BTBD9: variants seen among roughly 807,000 people sequenced by gnomAD.
The protein encoded by BTBD9 is BTB domain containing 9.
In BTBD9, 49 loss-of-function variants were observed where a neutral mutation model predicts 64.3. That is an observed-to-expected ratio of 0.76 (90% CI 0.61 to 0.97). The LOEUF (loss-of-function observed/expected upper bound fraction) is 0.97. BTBD9 is among the 50% of genes least tolerant of loss of function. The pLI is 0.00. For synonymous variants in BTBD9, 260 were observed against 274.7 expected (o/e 0.95, Z 0.53); for missense variants, 598 against 762.1 (o/e 0.78, Z 2.53).
At chr6:38,455,771 C>T (rs1261203098) in intron 6 of BTBD9, among the ~76,000 whole-genome samples, 3 of 152,140 alleles carry the variant, frequency 2.0e-5, no homozygotes, top group Non-Finnish European at 4.4e-5. Context: ...TGCAATGGCG[C>T]GATCTCGGCT....
intron 7 of BTBD9, among the ~76,000 whole-genome samples, chr6:38,302,772 A>G (rs1762464950): frequency 6.6e-6 from 1 of 152,008 alleles, no homozygotes; most frequent in South Asian, 2.1e-4. Context: ...ACAGTGTATA[A>G]GAGTTCCCCC....
intron 6 of BTBD9, among the ~76,000 whole-genome samples, chr6:38,490,290 T>C (rs371810138): frequency 2.0e-5 from 3 of 152,206 alleles, no homozygotes; most frequent in African/African-American, 7.2e-5. Flanking sequence ...ATGAAAGGTA[T>C]GGACACTACA....
intron 6 of BTBD9, among the ~76,000 whole-genome samples, chr6:38,366,289 C>T (rs751589031): frequency 6.6e-6 from 1 of 152,142 alleles, no homozygotes; most frequent in Non-Finnish European, 1.5e-5. Flanking sequence ...CCATCATAGC[C>T]TAAGTGTCCC....
chr6:38,221,971 CA>C (rs780280377), intron 9 of BTBD9, among the ~76,000 whole-genome samples: 11 of 151,630 alleles, frequency 7.3e-5, no homozygotes, highest in Non-Finnish European at 1.2e-4. Context: ...AGCCTGGTGA[CA>C]GAGAGAGACT....
At chr6:38,272,410 G>C (rs948839817) in intron 8 of BTBD9, among the ~76,000 whole-genome samples, 1 of 152,088 alleles carries the variant, frequency 6.6e-6, no homozygotes. Context: ...ATTATAAAAA[G>C]CATTTTACAA....
intron 6 of BTBD9, among the ~76,000 whole-genome samples, chr6:38,554,279 C>T (rs932516391): frequency 2.6e-5 from 4 of 152,194 alleles, no homozygotes; most frequent in African/African-American, 9.7e-5. Context: ...GACAGCCACA[C>T]AAATCCTGTG....
At chr6:38,564,297 G>C (rs1294147496) in intron 6 of BTBD9, among the ~76,000 whole-genome samples, 1 of 152,146 alleles carries the variant, frequency 6.6e-6, no homozygotes, top group African/African-American at 2.4e-5. Context: ...AAGGGTGGGG[G>C]ATGTGTGTTC....
At chr6:38,382,350 G>C (rs952036071) in intron 6 of BTBD9, among the ~76,000 whole-genome samples, 9 of 151,996 alleles carry the variant, frequency 5.9e-5, no homozygotes, top group African/African-American at 1.7e-4. Flanking sequence ...GTTTGCCTTT[G>C]TTCTGCCAGC....
intron 9 of BTBD9, among the ~76,000 whole-genome samples, chr6:38,256,082 G>C (rs978257262): frequency 4.6e-5 from 7 of 151,634 alleles, no homozygotes; most frequent in Non-Finnish European, 7.4e-5. Flanking sequence ...AAAAAAAGTA[G>C]TGTGGGGTAT....
intron 6 of BTBD9, among the ~76,000 whole-genome samples, chr6:38,455,977 C>T (rs1295854317): frequency 2.1e-5 from 3 of 145,878 alleles, no homozygotes; most frequent in African/African-American, 7.6e-5. Context: ...GCACCTAGCC[C>T]TTTTTTTTTT....
At chr6:38,530,449 T>C (rs1159408742) in intron 6 of BTBD9, among the ~76,000 whole-genome samples, 1 of 152,168 alleles carries the variant, frequency 6.6e-6, no homozygotes, top group Non-Finnish European at 1.5e-5. Context: ...AACTTGCTGG[T>C]CTGAGACTCA....
intron 9 of BTBD9, among the ~76,000 whole-genome samples, chr6:38,248,605 AC>A (rs1159740661): frequency 1.3e-5 from 2 of 152,250 alleles, no homozygotes; most frequent in Non-Finnish European, 2.9e-5. Flanking sequence ...ACAGCCAAGC[AC>A]ACGAAAGGTA....
At chr6:38,601,556 T>A (rs1232549412) in intron 1 of BTBD9, among the ~76,000 whole-genome samples, 1 of 152,048 alleles carries the variant, frequency 6.6e-6, no homozygotes, top group African/African-American at 2.4e-5. Context: ...CATGGTGGCA[T>A]GAGCCTGTAA....
intron 6 of BTBD9, among the ~76,000 whole-genome samples, chr6:38,556,140 T>C (rs1404654248): frequency 6.6e-6 from 1 of 152,196 alleles, no homozygotes; most frequent in Non-Finnish European, 1.5e-5. Context: ...ATCATGGAAA[T>C]GCCTGTCTTT....
intron 8 of BTBD9, among the ~76,000 whole-genome samples, chr6:38,287,135 C>T (rs1761768927): frequency 1.4e-5 from 2 of 143,686 alleles, no homozygotes; most frequent in Admixed American, 1.4e-4. Flanking sequence ...CACACACACA[C>T]ACACACACAT....
chr6:38,260,753 T>C (rs1361745607), intron 8 of BTBD9, among the ~76,000 whole-genome samples: 1 of 152,170 alleles, frequency 6.6e-6, no homozygotes, highest in Non-Finnish European at 1.5e-5. Context: ...ACACAGTGCA[T>C]ATGGTTTGTA....
chr6:38,328,866 G>A (rs1462612413), intron 7 of BTBD9, among the ~76,000 whole-genome samples: 2 of 151,676 alleles, frequency 1.3e-5, no homozygotes, highest in Non-Finnish European at 2.9e-5. Context: ...CGAATGGCGT[G>A]AACCCGGGAG....
intron 9 of BTBD9, among the ~76,000 whole-genome samples, chr6:38,206,199 T>C (rs1273270165): frequency 6.6e-6 from 1 of 151,028 alleles, no homozygotes; most frequent in Non-Finnish European, 1.5e-5. Flanking sequence ...TAATGAAGGA[T>C]AGGTATACAG....
chr6:38,331,646 C>T (rs1763679536), intron 7 of BTBD9, among the ~76,000 whole-genome samples: 1 of 152,068 alleles, frequency 6.6e-6, no homozygotes, highest in African/African-American at 2.4e-5. Context: ...ATGGCTTGAG[C>T]CTAGGAGTTC....
Sources: gnomAD v4.1 joint callset for allele counts (sites outside exome capture counted in the v4.1 genomes callset) on GRCh38, gnomAD v4.1.1 for gene constraint, MANE v1.5 for transcripts, NCBI Gene and HGNC (gene_info 2026-07-23, HGNC 2026-07-21) for gene names.